The following SOX6 variants were observed in gnomAD, a reference collection of about 807,000 sequenced individuals.
SOX6 encodes the protein transcription factor SOX-6.
A neutral mutation model predicts 97.8 loss-of-function variants in SOX6; 11 were observed. The ratio of observed to expected loss-of-function variants is 0.11; its 90% CI spans 0.07 to 0.19. The LOEUF is 0.19. Ranked by LOEUF, SOX6 falls within the 10% of genes least tolerant of loss-of-function variation. The pLI is 1.00. For synonymous variants in SOX6, 360 were observed against 371.4 expected (o/e 0.97, Z 0.35); for missense variants, 810 against 1,039.5 (o/e 0.78, Z 3.04).
At chr11:16,615,194 G>A (rs10832652) in intron 3 of SOX6, among the ~76,000 whole-genome samples, 25,247 of 152,032 alleles carry the variant, frequency 0.17, 2,743 homozygotes, top group East Asian at 0.32. Context: ...GCTAAGTAAT[G>A]CTATTCTAAT....
chr11:16,207,820 G>C (rs942234114), intron 4 of SOX6, among the ~76,000 whole-genome samples: 1 of 103,154 alleles, frequency 9.7e-6, no homozygotes, highest in African/African-American at 4.9e-5. Context: ...GCATAGGAAT[G>C]TGTTGCATAA....
chr11:16,018,229 G>A (rs913279978), intron 12 of SOX6, among the ~76,000 whole-genome samples: 10 of 152,018 alleles, frequency 6.6e-5, no homozygotes, highest in African/African-American at 1.9e-4. Flanking sequence ...AGTCAATGAC[G>A]GGGCAGCCTC....
At chr11:16,495,467 C>G (rs1860578641) in intron 4 of SOX6, among the ~76,000 whole-genome samples, 1 of 152,144 alleles carries the variant, frequency 6.6e-6, no homozygotes, top group African/African-American at 2.4e-5. Flanking sequence ...TTGCTCTGCC[C>G]TATCCACCAC....
intron 1 of SOX6, among the ~76,000 whole-genome samples, chr11:16,446,353 G>A (rs969420712): frequency 4.6e-5 from 7 of 152,032 alleles, no homozygotes; most frequent in African/African-American, 1.7e-4. Flanking sequence ...ATGTGGCAGG[G>A]TTTGGAGAGA....
intron 4 of SOX6, among the ~76,000 whole-genome samples, chr11:16,611,909 C>G (rs1446303655): frequency 6.6e-6 from 1 of 152,160 alleles, no homozygotes; most frequent in Non-Finnish European, 1.5e-5. Flanking sequence ...AATGCATGAA[C>G]TTTTTTCCAA....
chr11:16,008,561 A>T lies in SOX6; in HGVS notation c.1732+6381T>A, dbSNP rs117421088. ...GCAGCAGGTTGAGTTCCTTTTATGG[A>T]GTATTAGGAGATGGAGTTATACAAG... On this transcript the variant is annotated intron_variant, in intron 13 of 15. Transcript: ENST00000683767. Among the ~76,000 whole-genome samples, 9 of 152,126 alleles carry T rather than the reference A, an allele frequency of 5.9e-5. No individual in the cohort carries two copies. The East Asian group carries it at 1.8e-3, about 30-fold the overall frequency.
At chr11:16,051,036 C>T (rs1482263879) in intron 10 of SOX6, among the ~76,000 whole-genome samples, 1 of 152,004 alleles carries the variant, frequency 6.6e-6, no homozygotes, top group Non-Finnish European at 1.5e-5. Context: ...TCAATTTCTT[C>T]ATCTGTGAAA....
intron 7 of SOX6, among the ~76,000 whole-genome samples, chr11:16,099,838 A>T (rs1334495063): frequency 6.6e-6 from 1 of 151,638 alleles, no homozygotes; most frequent in Non-Finnish European, 1.5e-5. Context: ...GGCATATTTT[A>T]AAAACATTTT....
intron 3 of SOX6, among the ~76,000 whole-genome samples, chr11:16,657,284 A>G (rs959893994): frequency 6.6e-6 from 1 of 152,170 alleles, no homozygotes; most frequent in African/African-American, 2.4e-5. Flanking sequence ...ATGGCTTGAT[A>G]GCTCATTTAT....
At chr11:16,045,906 T>C (rs1301841444) in intron 12 of SOX6, among the ~76,000 whole-genome samples, 13 of 151,700 alleles carry the variant, frequency 8.6e-5, no homozygotes, top group Non-Finnish European at 1.2e-4. Context: ...TAATTGTTTA[T>C]TTCTTCATTG....
At chr11:15,976,707 A>G (rs1203026767) in intron 15 of SOX6, among the ~76,000 whole-genome samples, 3 of 152,188 alleles carry the variant, frequency 2.0e-5, no homozygotes, top group Admixed American at 2.0e-4. Flanking sequence ...AGAAGGGAAA[A>G]TGTTGACATC....
At chr11:16,578,265 G>C (rs1848001537) in intron 4 of SOX6, among the ~76,000 whole-genome samples, 1 of 152,094 alleles carries the variant, frequency 6.6e-6, no homozygotes, top group Admixed American at 6.6e-5. Flanking sequence ...TGGAAATTTT[G>C]AATTATGGTT....
chr11:16,142,727 G>A (rs897972598), intron 6 of SOX6, among the ~76,000 whole-genome samples: 3 of 152,038 alleles, frequency 2.0e-5, no homozygotes, highest in Non-Finnish European at 2.9e-5. Context: ...TAGCCAATTC[G>A]ATCAACGGGA....
chr11:16,166,150 G>T (rs570362718), intron 6 of SOX6, among the ~76,000 whole-genome samples: 1 of 152,064 alleles, frequency 6.6e-6, no homozygotes, highest in South Asian at 2.1e-4. Context: ...ACCCAAAAAG[G>T]AATTTAAGTG....
intron 1 of SOX6, among the ~76,000 whole-genome samples, chr11:16,373,826 A>C (rs1195503303): frequency 7.8e-5 from 1 of 12,874 alleles, no homozygotes; most frequent in Admixed American, 8.4e-4. Flanking sequence ...GGAGAGAGGA[A>C]GGAAGGAAGG....
intron 1 of SOX6, among the ~76,000 whole-genome samples, chr11:16,383,115 A>C (rs182686731): frequency 1.3e-5 from 2 of 152,068 alleles, no homozygotes; most frequent in Non-Finnish European, 2.9e-5. Context: ...CATGAAATAG[A>C]GACTTCTGTA....
Position 16,049,836 on chromosome 11 carries a change from T to C in SOX6, c.1354A>G (p.Lys452Glu), listed in dbSNP as rs1369487941. 1.2e-6 allele frequency: 2 copies of C among 1,613,662 alleles called. No homozygotes were observed. The highest frequency in any genetic ancestry group is 1.7e-6 in the Non-Finnish European group (2 of 1,179,800). ...SPTQNLFPAS[K>E]TSPVNLPNKS... ...TTTGGCAGATTGACAGGGCTGGTTT[T>C]GCTGGCTGGGAAGAGGTTCTGGGTG... The change falls in exon 11 of 16, where the codon AAA becomes GAA. Residue 452 changes from lysine to glutamate, a missense_variant. Coordinates refer to ENST00000683767, the MANE Select transcript of SOX6 (RefSeq NM_001367873.1).
chr11:16,585,118 T>G (rs1033892287), intron 4 of SOX6, among the ~76,000 whole-genome samples: 18 of 152,358 alleles, frequency 1.2e-4, no homozygotes, highest in African/African-American at 4.1e-4. Context: ...AAAGTACCTA[T>G]TACTACAGAA....
chr11:16,504,472 G>A (rs527487420), intron 4 of SOX6, among the ~76,000 whole-genome samples: 1 of 151,710 alleles, frequency 6.6e-6, no homozygotes, highest in South Asian at 2.1e-4. Flanking sequence ...GAAATCAAGA[G>A]GGCAATCCTA....
Sources: allele counts gnomAD v4.1 joint callset (sites outside exome capture counted in the v4.1 genomes callset), GRCh38; gene constraint gnomAD v4.1.1; transcripts MANE v1.5; gene names NCBI Gene and HGNC (gene_info 2026-07-23, HGNC 2026-07-21).